Variants in PRELID2 observed in about 807,000 individuals in gnomAD.
PRELID2 encodes PRELI domain-containing protein 2.
A neutral mutation model predicts 28.4 loss-of-function variants in PRELID2; 25 were observed. The ratio of observed to expected loss-of-function variants is 0.88; its 90% confidence interval spans 0.64 to 1.23. PRELID2 has a LOEUF of 1.23. Ranked by LOEUF, PRELID2 falls within the 50% of genes most tolerant of loss-of-function variation. The pLI is 0.00. For synonymous variants in PRELID2, 76 were observed against 71.6 expected (o/e 1.06, Z -0.31); for missense variants, 201 against 214.4 (o/e 0.94, Z 0.39).
the PRELID2 span, among the ~76,000 whole-genome samples, chr5:145,268,070 T>C: frequency 1.3e-5 from 2 of 152,208 alleles, no homozygotes; most frequent in Non-Finnish European, 2.9e-5. Flanking sequence ...TTGAAAATAT[T>C]GTCTCCCATT....
chr5:145,356,638 C>T, the PRELID2 span, among the ~76,000 whole-genome samples: 2 of 151,698 alleles, frequency 1.3e-5, no homozygotes, highest in South Asian at 2.1e-4. Context: ...TTCTCCGTTC[C>T]CTTACTTTGA....
chr5:145,717,321 T>C (rs1439038117), intron 1 of PRELID2, among the ~76,000 whole-genome samples: 4 of 152,112 alleles, frequency 2.6e-5, no homozygotes, highest in Non-Finnish European at 4.4e-5. Context: ...GTGATAAAGA[T>C]GTCTGAAAAT....
chr5:145,279,270 A>G, the PRELID2 span, among the ~76,000 whole-genome samples: 1 of 152,184 alleles, frequency 6.6e-6, no homozygotes, highest in Non-Finnish European at 1.5e-5. Flanking sequence ...TATCTACCAG[A>G]CATCATTGCC....
chr5:145,396,436 G>A, the PRELID2 span, among the ~76,000 whole-genome samples: 1 of 150,902 alleles, frequency 6.6e-6, no homozygotes, highest in East Asian at 1.9e-4. Flanking sequence ...TGAACCAAAG[G>A]TGTCCCAAAG....
chr5:145,708,770 A>G (rs1314955705), intron 1 of PRELID2, among the ~76,000 whole-genome samples: 1 of 152,228 alleles, frequency 6.6e-6, no homozygotes, highest in African/African-American at 2.4e-5. Flanking sequence ...AGCACAAAAT[A>G]AAACCAAACA....
chr5:145,574,525 T>C (rs555637436), intron 1 of PRELID2, among the ~76,000 whole-genome samples: 1 of 152,228 alleles, frequency 6.6e-6, no homozygotes, highest in Non-Finnish European at 1.5e-5. Flanking sequence ...TTAGTCATCT[T>C]GTCAGCATGA....
At chr5:145,618,890 G>C (rs1188418213) in intron 1 of PRELID2, among the ~76,000 whole-genome samples, 1 of 152,150 alleles carries the variant, frequency 6.6e-6, no homozygotes, top group Non-Finnish European at 1.5e-5. Context: ...GAGGTTCCCA[G>C]GTCAATGGAG....
the PRELID2 span, among the ~76,000 whole-genome samples, chr5:145,261,211 A>C: frequency 6.6e-6 from 1 of 152,116 alleles, no homozygotes; most frequent in Admixed American, 6.5e-5. Flanking sequence ...TCCTGCCCCT[A>C]CCTGATGGTC....
At chr5:145,460,237 G>A in the PRELID2 span, among the ~76,000 whole-genome samples, 1 of 151,970 alleles carries the variant, frequency 6.6e-6, no homozygotes, top group African/African-American at 2.4e-5. Flanking sequence ...TTTCAGGTTG[G>A]GCCAGTTATT....
intron 1 of PRELID2, among the ~76,000 whole-genome samples, chr5:145,660,135 G>T (rs778865732): frequency 6.6e-6 from 1 of 152,150 alleles, no homozygotes; most frequent in Non-Finnish European, 1.5e-5. Flanking sequence ...GCTGTCTTTT[G>T]CCTAAGGATT....
the PRELID2 span, among the ~76,000 whole-genome samples, chr5:145,332,745 C>A: frequency 6.6e-6 from 1 of 151,766 alleles, no homozygotes; most frequent in Non-Finnish European, 1.5e-5. Context: ...TTGTTATTAC[C>A]CACCTTCTGA....
At chr5:145,745,664 C>A (rs149679236) in intron 1 of PRELID2, among the ~76,000 whole-genome samples, 46 of 152,168 alleles carry the variant, frequency 3.0e-4, no homozygotes, top group African/African-American at 1.0e-3. Context: ...GAGTTTGAGA[C>A]CAGCCTAGCC....
chr5:145,386,071 G>C, the PRELID2 span, among the ~76,000 whole-genome samples: 1 of 152,100 alleles, frequency 6.6e-6, no homozygotes, highest in Non-Finnish European at 1.5e-5. Flanking sequence ...ATAAAGGAAA[G>C]AGGTTTAATT....
chr5:145,294,063 T>C, the PRELID2 span, among the ~76,000 whole-genome samples: 1 of 152,138 alleles, frequency 6.6e-6, no homozygotes, highest in Non-Finnish European at 1.5e-5. Context: ...CGATTATGCA[T>C]CCTTCTCTTT....
At chr5:145,653,290 C>A (rs1754332212) in intron 1 of PRELID2, among the ~76,000 whole-genome samples, 3 of 152,146 alleles carry the variant, frequency 2.0e-5, no homozygotes, top group Admixed American at 2.0e-4. Context: ...GACTCCCACA[C>A]AATAATAATG....
At chr5:145,481,188 A>G (rs1299844024) in intron 1 of PRELID2, among the ~76,000 whole-genome samples, 3 of 152,122 alleles carry the variant, frequency 2.0e-5, no homozygotes, top group African/African-American at 7.2e-5. Context: ...TTCTGGGCCA[A>G]TGGGAATGTA....
At chr5:145,409,879 C>G in the PRELID2 span, among the ~76,000 whole-genome samples, 2 of 152,050 alleles carry the variant, frequency 1.3e-5, no homozygotes, top group Admixed American at 6.6e-5. Context: ...AAGAACAAAT[C>G]TGGAGGCTTC....
At chr5:145,794,518 T>G (rs1219051906) in intron 5 of PRELID2, among the ~76,000 whole-genome samples, 1 of 152,114 alleles carries the variant, frequency 6.6e-6, no homozygotes, top group African/African-American at 2.4e-5. Context: ...AAGATAGGGA[T>G]TTAAGTCCAG....
At chr5:145,318,558 C>T in the PRELID2 span, among the ~76,000 whole-genome samples, 4 of 152,162 alleles carry the variant, frequency 2.6e-5, no homozygotes, top group African/African-American at 4.8e-5. Context: ...AGTTCCCTGG[C>T]CCCCCTCACA....
Sources: allele counts gnomAD v4.1 joint callset (sites outside exome capture counted in the v4.1 genomes callset), GRCh38; gene constraint gnomAD v4.1.1; transcripts MANE v1.5; gene names NCBI Gene and HGNC (gene_info 2026-07-23, HGNC 2026-07-21).